TECRL: variants seen among roughly 807,000 people sequenced by gnomAD.
TECRL encodes trans-2,3-enoyl-CoA reductase like.
Under a neutral mutation model 52.8 loss-of-function variants are expected in TECRL, and 63 were observed. The ratio of observed to expected loss-of-function variants is 1.19; its 90% CI spans 0.97 to 1.47. The LOEUF is 1.47. Among genes scored for constraint, TECRL ranks in the 40% most tolerant of loss-of-function variants. The pLI is 0.00. For missense variants in TECRL, 482 were observed against 429.6 expected (o/e 1.12, Z -1.08); for synonymous variants, 164 against 141.9 (o/e 1.16, Z -1.10).
intron 8 of TECRL, among the ~76,000 whole-genome samples, chr4:64,297,504 C>T (rs996423354): frequency 3.3e-5 from 5 of 150,878 alleles, no homozygotes; most frequent in East Asian, 3.9e-4. Context: ...TATATAAGAT[C>T]GATCCATTAA....
intron 8 of TECRL, among the ~76,000 whole-genome samples, chr4:64,293,559 A>C (rs988901200): frequency 6.6e-6 from 1 of 152,168 alleles, no homozygotes; most frequent in Non-Finnish European, 1.5e-5. Flanking sequence ...TGTCTTGGTC[A>C]GTAACCCGCT....
chr4:64,302,940 G>A (rs1482872474), intron 7 of TECRL, among the ~76,000 whole-genome samples: 2 of 150,892 alleles, frequency 1.3e-5, no homozygotes, highest in Admixed American at 1.3e-4. Flanking sequence ...AATAATTTAG[G>A]AAGTGTTTTT....
intron 8 of TECRL, among the ~76,000 whole-genome samples, chr4:64,292,455 G>A (rs904726951): frequency 1.3e-5 from 2 of 151,874 alleles, no homozygotes; most frequent in African/African-American, 2.4e-5. Context: ...ACATAGTAAC[G>A]TAATAAAAAT....
chr4:64,353,156 A>C (rs2109581235), intron 2 of TECRL, among the ~76,000 whole-genome samples: 1 of 152,328 alleles, frequency 6.6e-6, no homozygotes, highest in East Asian at 1.9e-4. Context: ...ACAGTTTAAC[A>C]GTGGGGAAAG....
chr4:64,301,286 G>T (rs1005512287), intron 7 of TECRL, among the ~76,000 whole-genome samples: 4 of 150,904 alleles, frequency 2.7e-5, no homozygotes, highest in Non-Finnish European at 6.0e-5. Flanking sequence ...TATAATATTT[G>T]ATATAACAAT....
intron 2 of TECRL, among the ~76,000 whole-genome samples, chr4:64,353,829 T>C (rs1424230880): frequency 6.6e-6 from 1 of 152,030 alleles, no homozygotes; most frequent in Non-Finnish European, 1.5e-5. Context: ...AAGGGGAAGA[T>C]TGTTGAAGAT....
At chr4:64,398,328 A>G (rs977955520) in intron 1 of TECRL, among the ~76,000 whole-genome samples, 8 of 152,154 alleles carry the variant, frequency 5.3e-5, no homozygotes, top group African/African-American at 1.7e-4. Flanking sequence ...AATCTCCAAT[A>G]CTGGAGATGT....
intron 2 of TECRL, among the ~76,000 whole-genome samples, chr4:64,362,902 T>C (rs1181636504): frequency 6.6e-6 from 1 of 151,998 alleles, no homozygotes. Context: ...CAGTGGCAAG[T>C]TGGGTAAAGA....
At position 64,318,880 on chromosome 4, in the gene TECRL, C is replaced by A. The variant is rs187631339; in HGVS notation, c.435+3809G>T. 3.1e-3 allele frequency among the ~76,000 whole-genome samples: 473 copies of A among 151,768 alleles called. 8 individuals carry two copies. Among genetic ancestry groups the A allele is most frequent in the East Asian group, 0.03 (156 of 5,164 alleles). ...ATTAGAAGAAATAACTAAATCGCAG[C>A]AAAAAGGTTAAGTCTAAAGGATAAA... On this transcript the variant is annotated intron_variant, in intron 4 of 11. Transcript: ENST00000381210.
At chr4:64,283,229 A>G (rs746948065) in intron 9 of TECRL, among the ~76,000 whole-genome samples, 35 of 152,038 alleles carry the variant, frequency 2.3e-4, no homozygotes, top group Admixed American at 8.5e-4. Flanking sequence ...TCCTACCTAA[A>G]TATGATTTAT....
chr4:64,382,674 T>C (rs1040581479), intron 1 of TECRL, among the ~76,000 whole-genome samples: 1 of 152,108 alleles, frequency 6.6e-6, no homozygotes, highest in Non-Finnish European at 1.5e-5. Flanking sequence ...ATTTGTATCT[T>C]ATAAATGAAA....
intron 2 of TECRL, among the ~76,000 whole-genome samples, chr4:64,339,242 T>C (rs370868894): frequency 7.7e-6 from 1 of 130,702 alleles, no homozygotes; most frequent in Admixed American, 9.0e-5. Context: ...ATGAGAACAC[T>C]TGGACACAGG....
intron 1 of TECRL, among the ~76,000 whole-genome samples, chr4:64,390,097 G>A (rs138674106): frequency 1.3e-5 from 2 of 151,990 alleles, no homozygotes; most frequent in East Asian, 3.9e-4. Context: ...GTATTTGCCT[G>A]TTACAGGTCT....
rs571504010 is a variant in TECRL at position 64,312,012 on chromosome 4, A to G, written c.552-2081T>C. Among the ~76,000 whole-genome samples the G allele has an allele frequency of 7.6e-4, 116 of 152,334 alleles. 1 individual carries two copies. The highest frequency in any genetic ancestry group is 2.6e-3 in the African/African-American group (110 of 41,592). On this transcript the variant is annotated intron_variant, in intron 5 of 11. Coordinates refer to ENST00000381210, the MANE Select transcript of TECRL (RefSeq NM_001010874.5). The stretch of plus-strand genomic sequence containing the variant: ...AAGGAAATGTTCAGGTAACAGGTTC[A>G]TAAGATACTTGACGCAGATACAGTT...
chr4:64,397,337 G>T (rs80172342), intron 1 of TECRL, among the ~76,000 whole-genome samples: 2,537 of 151,900 alleles, frequency 0.017, 41 homozygotes, highest in Non-Finnish European at 0.029. Context: ...AACCTATGTG[G>T]CTGTAAGTAC....
rs781535610 is a variant in TECRL, at chr4:64,280,036, A to G, written c.*36T>C. ...ACTAAGTCTTATTTATTGAATTTAT[A>G]TGTTGCTGTTTTCTATAGGAGATAA... On this transcript the variant is annotated 3_prime_UTR_variant, in exon 12 of 12. Transcript: ENST00000381210. The G allele has an allele frequency of 4.5e-6, 7 of 1,561,540 alleles. No individual in the cohort carries two copies. The East Asian group carries it at 1.1e-4, about 25-fold the overall frequency.
intron 2 of TECRL, among the ~76,000 whole-genome samples, chr4:64,354,206 G>A (rs1305567948): frequency 6.6e-6 from 1 of 151,994 alleles, no homozygotes. Context: ...TTTGTAAGTT[G>A]GAAAAATTTT....
At chr4:64,332,133 G>C (rs1455462982) in intron 2 of TECRL, among the ~76,000 whole-genome samples, 1 of 152,162 alleles carries the variant, frequency 6.6e-6, no homozygotes, top group Non-Finnish European at 1.5e-5. Context: ...TCCCCTAAGG[G>C]TATCTGTTTA....
chr4:64,355,954 C>T lies in TECRL; in HGVS notation c.286+19218G>A, dbSNP rs182088407. On this transcript the variant is annotated intron_variant, in intron 2 of 11. Transcript: ENST00000381210. ...AAAGACATAAGAAATTCCATTTTGA[C>T]CTGTACCCTGAACAATTGCTTTGCC... 2.2e-3 allele frequency among the ~76,000 whole-genome samples: 335 copies of T among 152,180 alleles called. 4 individuals carry two copies. Among genetic ancestry groups the T allele is most frequent in the African/African-American group, 7.2e-3 (301 of 41,518 alleles).
Sources: gnomAD v4.1 joint callset for allele counts (sites outside exome capture counted in the v4.1 genomes callset) on GRCh38, gnomAD v4.1.1 for gene constraint, MANE v1.5 for transcripts, NCBI Gene and HGNC (gene_info 2026-07-23, HGNC 2026-07-21) for gene names.